Variants in ALG9 observed in about 807,000 individuals in gnomAD.
ALG9 encodes ALG9 alpha-1,2-mannosyltransferase, also known as alpha-1,2-mannosyltransferase ALG9.
A neutral mutation model predicts 81.8 loss-of-function variants in ALG9; 55 were observed. The observed-to-expected ratio is 0.67, with a 90% CI of 0.54 to 0.84. The LOEUF (loss-of-function observed/expected upper bound fraction) is 0.84. Among genes scored for constraint, ALG9 ranks in the 40% least tolerant of loss-of-function variants. ALG9 has a pLI of 0.00. For missense variants in ALG9, 629 were observed against 745.0 expected (o/e 0.84, Z 1.81); for synonymous variants, 278 against 274.3 (o/e 1.01, Z -0.13).
chr11:111,849,349 C>A (rs1648390), intron 8 of ALG9: 56,824 of 152,058 alleles, frequency 0.37, 10,898 homozygotes, highest in East Asian at 0.59. Flanking sequence ...CCACACCTGA[C>A]CTTCAATGTT....
At chr11:111,814,399 T>TGCA (rs1951179509) in intron 13 of ALG9, among the ~76,000 whole-genome samples, 1 of 152,036 alleles carries the variant, frequency 6.6e-6, no homozygotes, top group South Asian at 2.1e-4. Flanking sequence ...TGTGGGTAGG[T>TGCA]GATCAAAAGG....
chr11:111,819,656 G>A (rs1479476663), intron 13 of ALG9, among the ~76,000 whole-genome samples: 3 of 152,218 alleles, frequency 2.0e-5, no homozygotes, highest in African/African-American at 7.2e-5. Flanking sequence ...TTAATACTTA[G>A]CTTTTAAGCA....
At position 111,869,460 on chromosome 11, in the gene ALG9, A is replaced by G. The variant is rs369968772; in HGVS notation, c.271-724T>C. On this transcript the variant is annotated intron_variant, in intron 2 of 14. Coordinates refer to ENST00000616540, the MANE Select transcript of ALG9 (RefSeq NM_024740.2). ...TAACCGTCAGAAGAAATAACTTAAAAAGTGAAAAAAAGTGGTTGCTTCTGG... is the reference window on the plus strand; with the variant it reads ...TAACCGTCAGAAGAAATAACTTAAAGAGTGAAAAAAAGTGGTTGCTTCTGG... Among the ~76,000 whole-genome samples, 75 of 152,312 alleles carry G rather than the reference A, an allele frequency of 4.9e-4. 1 individual carries two copies. The highest frequency in any genetic ancestry group is 1.7e-3 in the African/African-American group (71 of 41,576).
chr11:111,769,323 A>AT, the ALG9 span: 4 of 151,924 alleles, frequency 2.6e-5, no homozygotes, highest in Non-Finnish European at 5.8e-5. Context: ...AAAAAAAAAA[A>AT]AAAAAAGAGT....
rs782236645 is a variant in ALG9 at position 111,853,757 on chromosome 11, G to A, written c.702-21C>T. On this transcript the variant is annotated intron_variant, in intron 6 of 14. Coordinates refer to ENST00000616540, the MANE Select transcript of ALG9 (RefSeq NM_024740.2). ...GTAAACTATTTAACAGAGAAACAGAGCGGGGAGTTAAATAAATACTGACAG... is the reference window on the plus strand; with the variant it reads ...GTAAACTATTTAACAGAGAAACAGAACGGGGAGTTAAATAAATACTGACAG... The A allele has an allele frequency of 1.2e-5, 19 of 1,592,988 alleles. No homozygotes were observed. The East Asian group carries it at 4.2e-4, about 36-fold the overall frequency.
intron 2 of ALG9, among the ~76,000 whole-genome samples, chr11:111,869,288 C>T (rs1555156210): frequency 6.6e-6 from 1 of 152,144 alleles, no homozygotes; most frequent in Admixed American, 6.5e-5. Flanking sequence ...CCTTAAACAA[C>T]CTACACTTAA....
chr11:111,771,676 G>A, the ALG9 span, among the ~76,000 whole-genome samples: 4 of 152,168 alleles, frequency 2.6e-5, no homozygotes, highest in South Asian at 4.1e-4. Context: ...TGAGGCACAC[G>A]GAAGCATTTT....
chr11:111,862,643 C>T (rs999636577), intron 4 of ALG9, among the ~76,000 whole-genome samples: 2 of 151,158 alleles, frequency 1.3e-5, no homozygotes, highest in African/African-American at 4.9e-5. Flanking sequence ...CTAGTTTACT[C>T]ATCAGAATGT....
intron 3 of ALG9, 33 bp downstream of exon 3, chr11:111,868,569 A>C: frequency 1.2e-6 from 2 of 1,608,882 alleles, no homozygotes; most frequent in South Asian, 1.1e-5. Context: ...CTCTTGATCA[A>C]TTGTGATTGC....
rs1440782915 is a variant in ALG9 at position 111,784,546 on chromosome 11, C to T, written c.*1851G>A. 1 of 152,128 alleles carries T rather than the reference C, an allele frequency of 6.6e-6. No homozygotes were observed. Among genetic ancestry groups the T allele is most frequent in the African/African-American group, 2.4e-5 (1 of 41,400 alleles). The allele number at this position is 152,128 out of a possible 1,614,324, so 9.4% of individuals were successfully genotyped here. ...CAGCCTGGCCAACATGGTGAAACTC[C>T]AACTCTACTAAAAATACATAAATTA... On this transcript the variant is annotated 3_prime_UTR_variant, in exon 15 of 15. Coordinates refer to ENST00000616540, the MANE Select transcript of ALG9 (RefSeq NM_024740.2).
chr11:111,836,504 A>G (rs1383558385), intron 12 of ALG9, among the ~76,000 whole-genome samples: 1 of 152,240 alleles, frequency 6.6e-6, no homozygotes. Context: ...CTCTTGACCC[A>G]TTTCACCAAC....
chr11:111,858,126 G>A (rs1341919753), intron 5 of ALG9, among the ~76,000 whole-genome samples: 2 of 151,924 alleles, frequency 1.3e-5, no homozygotes, highest in African/African-American at 2.4e-5. Flanking sequence ...TAGTAGAGAC[G>A]GGGTTTCACC....
chr11:111,846,561 T>C (rs1159082510), intron 8 of ALG9, among the ~76,000 whole-genome samples: 2 of 152,234 alleles, frequency 1.3e-5, no homozygotes, highest in African/African-American at 2.4e-5. Flanking sequence ...ATCATTTTTA[T>C]GTATTCAGAG....
intron 4 of ALG9, among the ~76,000 whole-genome samples, chr11:111,863,314 T>C (rs1191712876): frequency 6.6e-6 from 1 of 152,066 alleles, no homozygotes; most frequent in Non-Finnish European, 1.5e-5. Context: ...GCCGAAATCA[T>C]GCCACTGCAC....
At chr11:111,788,240 A>G (rs780389130) in intron 14 of ALG9, among the ~76,000 whole-genome samples, 2 of 152,170 alleles carry the variant, frequency 1.3e-5, no homozygotes, top group Non-Finnish European at 2.9e-5. Flanking sequence ...CCTGCACACA[A>G]TGACACTGTG....
intron 14 of ALG9, among the ~76,000 whole-genome samples, chr11:111,800,671 A>G (rs1379228990): frequency 6.6e-6 from 1 of 152,044 alleles, no homozygotes; most frequent in Non-Finnish European, 1.5e-5. Flanking sequence ...CTTACAACAC[A>G]TAACACATTT....
rs150742881 is a variant in ALG9, at chr11:111,813,353, G to A, written c.1603-3580C>T. ...GCAGTGGCTCACGCCTGTAATCCCAGCACTTTTGGAGGCTGAGGTGGGAGG... is the reference window on the plus strand; with the variant it reads ...GCAGTGGCTCACGCCTGTAATCCCAACACTTTTGGAGGCTGAGGTGGGAGG... On this transcript the variant is annotated intron_variant, in intron 13 of 14. Coordinates refer to ENST00000616540, the MANE Select transcript of ALG9 (RefSeq NM_024740.2). Among the ~76,000 whole-genome samples the A allele has an allele frequency of 2.0e-3, 301 of 152,298 alleles. 7 individuals carry two copies. The East Asian group carries it at 0.053, about 27-fold the overall frequency.
chr11:111,865,944 C>T (rs1962262267), intron 3 of ALG9, among the ~76,000 whole-genome samples: 1 of 152,134 alleles, frequency 6.6e-6, no homozygotes, highest in Non-Finnish European at 1.5e-5. Flanking sequence ...CTTTATACTA[C>T]AGAATACCAT....
At chr11:111,849,934 A>G (rs1555135724) in intron 8 of ALG9, 1 of 152,214 alleles carries the variant, frequency 6.6e-6, no homozygotes, top group Non-Finnish European at 1.5e-5. Flanking sequence ...CTCTTGTAAA[A>G]CAGCCAAAAC....
Sources: allele counts gnomAD v4.1 joint callset (sites outside exome capture counted in the v4.1 genomes callset), GRCh38; gene constraint gnomAD v4.1.1; transcripts MANE v1.5; gene names NCBI Gene and HGNC (gene_info 2026-07-23, HGNC 2026-07-21).